SDK1: variants seen among roughly 807,000 people sequenced by gnomAD.
The protein encoded by SDK1 is protein sidekick-1.
A neutral mutation model predicts 245.5 loss-of-function variants in SDK1; 157 were observed. The ratio of observed to expected loss-of-function variants is 0.64; its 90% CI spans 0.56 to 0.73. SDK1 has a LOEUF of 0.73. Ranked by LOEUF, SDK1 falls within the 30% of genes least tolerant of loss-of-function variation. The pLI, the probability that SDK1 is intolerant of heterozygous loss-of-function variation, is 0.00. For synonymous variants in SDK1, 1,647 were observed against 1,278.5 expected, an observed-to-expected ratio of 1.29 and a Z score of -6.15; for missense variants, 3,583 against 3,002.3, an observed-to-expected ratio of 1.19 and a Z score of -4.52.
intron 4 of SDK1, among the ~76,000 whole-genome samples, chr7:3,684,542 A>T (rs371169405): frequency 1.1e-4 from 16 of 152,360 alleles, no homozygotes; most frequent in African/African-American, 3.8e-4. Flanking sequence ...GATGCATAGG[A>T]TGCAAAGGTC....
chr7:3,898,269 G>T (rs895418271), intron 5 of SDK1, among the ~76,000 whole-genome samples: 1 of 152,076 alleles, frequency 6.6e-6, no homozygotes, highest in African/African-American at 2.4e-5. Flanking sequence ...CCTGAGAGTC[G>T]GGCACAGTTG....
intron 37 of SDK1, 110 bp downstream of exon 37, chr7:4,208,395 A>G (rs968668121): frequency 2.6e-5 from 25 of 977,058 alleles, no homozygotes; most frequent in Non-Finnish European, 3.8e-5. Flanking sequence ...GGCGGAAGGC[A>G]ACACCTTTTG....
intron 5 of SDK1, among the ~76,000 whole-genome samples, chr7:3,885,967 C>G (rs530273791): frequency 6.6e-6 from 1 of 152,078 alleles, no homozygotes; most frequent in African/African-American, 2.4e-5. Flanking sequence ...AGAGGCATCC[C>G]GTGAAAAAAG....
chr7:3,959,273 A>C (rs141058974), intron 8 of SDK1, among the ~76,000 whole-genome samples: 1 of 152,264 alleles, frequency 6.6e-6, no homozygotes, highest in African/African-American at 2.4e-5. Flanking sequence ...TCTACCCCAG[A>C]CAGAGAGGGG....
chr7:3,644,243 T>TTATATATATATA (rs66881824), intron 4 of SDK1, among the ~76,000 whole-genome samples: 62 of 145,310 alleles, frequency 4.3e-4, no homozygotes, highest in African/African-American at 7.9e-4. Flanking sequence ...GAACAAAAAT[T>TTATATATATATA]TATATATATA....
intron 17 of SDK1, among the ~76,000 whole-genome samples, chr7:4,037,795 C>T (rs1004126486): frequency 6.6e-6 from 1 of 152,218 alleles, no homozygotes; most frequent in African/African-American, 2.4e-5. Flanking sequence ...TAGAGACCTT[C>T]TCTGCGAATA....
chr7:3,884,060 GTTTTTTGTTTGTTTGTTTT>G (rs1396124587), intron 5 of SDK1, among the ~76,000 whole-genome samples: 1 of 139,800 alleles, frequency 7.2e-6, no homozygotes, highest in African/African-American at 3.1e-5. Context: ...TTGTTTGTTT[GTTTTTTGTTTGTTTGTTTT>G]TTTGTTTTTT....
At chr7:4,249,472 C>T (rs1583174307) in intron 44 of SDK1, among the ~76,000 whole-genome samples, 1 of 152,192 alleles carries the variant, frequency 6.6e-6, no homozygotes, top group Admixed American at 6.5e-5. Context: ...TTTTGGGTGA[C>T]AGGCTGCTTC....
chr7:3,334,387 G>A (rs921898105), intron 1 of SDK1, among the ~76,000 whole-genome samples: 2 of 152,186 alleles, frequency 1.3e-5, no homozygotes, highest in Admixed American at 1.3e-4. Context: ...AAGCTGTCGG[G>A]TACGAACTCC....
At chr7:3,437,780 G>C (rs184543626) in intron 1 of SDK1, among the ~76,000 whole-genome samples, 1 of 152,114 alleles carries the variant, frequency 6.6e-6, no homozygotes, top group Admixed American at 6.6e-5. Flanking sequence ...AAAAAAATTA[G>C]ATATGATTAA....
intron 13 of SDK1, among the ~76,000 whole-genome samples, chr7:3,984,155 G>C (rs1255230002): frequency 6.6e-6 from 1 of 152,116 alleles, no homozygotes; most frequent in African/African-American, 2.4e-5. Context: ...GGGAAAATCT[G>C]AAACCACTCT....
intron 3 of SDK1, among the ~76,000 whole-genome samples, chr7:3,640,893 A>C (rs993004811): frequency 8.5e-5 from 13 of 152,204 alleles, no homozygotes; most frequent in Middle Eastern, 6.8e-3. Flanking sequence ...CATGTTGGCC[A>C]GGCTGGTGTC....
intron 14 of SDK1, among the ~76,000 whole-genome samples, chr7:3,988,673 C>T (rs1161575966): frequency 1.3e-5 from 2 of 152,214 alleles, no homozygotes; most frequent in South Asian, 2.1e-4. Flanking sequence ...GTTCCTTCCC[C>T]TGGAAACCCA....
intron 14 of SDK1, among the ~76,000 whole-genome samples, chr7:3,989,559 G>A (rs1181325729): frequency 6.6e-6 from 1 of 152,176 alleles, no homozygotes; most frequent in Non-Finnish European, 1.5e-5. Flanking sequence ...GCCTGTGGTT[G>A]TCTCTGGATG....
At chr7:4,056,855 C>G (rs1779236231) in intron 19 of SDK1, among the ~76,000 whole-genome samples, 1 of 138,496 alleles carries the variant, frequency 7.2e-6, no homozygotes, top group Admixed American at 6.7e-5. Flanking sequence ...CCATTCTGCT[C>G]CGGGTCCCGA....
At chr7:3,650,539 G>T (rs1321606473) in intron 4 of SDK1, among the ~76,000 whole-genome samples, 1 of 152,134 alleles carries the variant, frequency 6.6e-6, no homozygotes, top group Non-Finnish European at 1.5e-5. Flanking sequence ...ATAATGTAGG[G>T]TGATTTTATG....
chr7:4,103,826 C>G (rs1782734066), intron 22 of SDK1, among the ~76,000 whole-genome samples: 1 of 152,188 alleles, frequency 6.6e-6, no homozygotes, highest in African/African-American at 2.4e-5. Context: ...GGGTGGTGCG[C>G]TCCAGCAGGG....
chr7:4,220,749 T>A (rs1785105284), intron 39 of SDK1, among the ~76,000 whole-genome samples: 1 of 151,962 alleles, frequency 6.6e-6, no homozygotes, highest in Admixed American at 6.6e-5. Context: ...TGCCAGCTCT[T>A]TCAGGCCCTC....
intron 1 of SDK1, among the ~76,000 whole-genome samples, chr7:3,482,599 A>G (rs898812636): frequency 1.3e-5 from 2 of 152,328 alleles, no homozygotes; most frequent in African/African-American, 4.8e-5. Context: ...GATGACCACC[A>G]GAGGGCCTCC....
Sources: allele counts gnomAD v4.1 joint callset (sites outside exome capture counted in the v4.1 genomes callset), GRCh38; gene constraint gnomAD v4.1.1; transcripts MANE v1.5; gene names NCBI Gene and HGNC (gene_info 2026-07-23, HGNC 2026-07-21).